The following LEKR1 variants were observed in gnomAD, a reference collection of about 807,000 sequenced individuals.
The protein encoded by LEKR1 is protein LEKR1.
Under a neutral mutation model 72.4 loss-of-function variants are expected in LEKR1, and 59 were observed. The ratio of observed to expected loss-of-function variants is 0.82; its 90% CI spans 0.66 to 1.01. LEKR1 has a LOEUF of 1.01. LEKR1 is among the 50% of genes least tolerant of loss of function. The pLI is 0.00. For missense variants in LEKR1, 728 were observed against 759.2 expected (o/e 0.96, Z 0.48); for synonymous variants, 257 against 263.2 (o/e 0.98, Z 0.23).
intron 9 of LEKR1, among the ~76,000 whole-genome samples, chr3:157,006,555 G>T (rs1371068260): frequency 6.6e-6 from 1 of 152,128 alleles, no homozygotes; most frequent in Non-Finnish European, 1.5e-5. Context: ...TTGTACACAG[G>T]TATTGAGAGC....
chr3:157,032,397 A>G (rs1734682237), intron 12 of LEKR1, among the ~76,000 whole-genome samples: 1 of 152,240 alleles, frequency 6.6e-6, no homozygotes, highest in Non-Finnish European at 1.5e-5. Context: ...TCTTGTAGTC[A>G]TACAATGAAG....
chr3:156,967,523 C>A (rs540202984), intron 6 of LEKR1, among the ~76,000 whole-genome samples: 1 of 152,022 alleles, frequency 6.6e-6, no homozygotes, highest in East Asian at 1.9e-4. Context: ...GAAAGGGTAT[C>A]AGTGATGGAA....
At chr3:156,988,702 C>A in intron 7 of LEKR1, 1 of 230,674 alleles carries the variant, frequency 4.3e-6, no homozygotes, top group South Asian at 1.0e-4. Flanking sequence ...TTGTTTGTCT[C>A]TGGCCTCCAT....
intron 2 of LEKR1, among the ~76,000 whole-genome samples, chr3:156,849,997 G>A (rs1003724294): frequency 1.8e-4 from 27 of 152,040 alleles, no homozygotes; most frequent in African/African-American, 6.5e-4. Context: ...GAAAATTTTT[G>A]CAACCTACTC....
chr3:156,835,668 C>T (rs958330009), intron 2 of LEKR1, among the ~76,000 whole-genome samples: 1 of 152,098 alleles, frequency 6.6e-6, no homozygotes, highest in African/African-American at 2.4e-5. Flanking sequence ...CCAAGTATCA[C>T]CCTGTAGTAA....
At chr3:156,903,689 G>C (rs1722250738) in intron 3 of LEKR1, among the ~76,000 whole-genome samples, 1 of 152,176 alleles carries the variant, frequency 6.6e-6, no homozygotes, top group South Asian at 2.1e-4. Flanking sequence ...TGCTTCTCTA[G>C]AGGGTCAACT....
intron 3 of LEKR1, among the ~76,000 whole-genome samples, chr3:156,876,609 T>C (rs1241517525): frequency 6.6e-6 from 1 of 152,226 alleles, no homozygotes; most frequent in Non-Finnish European, 1.5e-5. Context: ...AGTTCTTTAT[T>C]TGATTCTCAG....
chr3:156,893,746 A>T (rs947332569), intron 3 of LEKR1, among the ~76,000 whole-genome samples: 5 of 152,216 alleles, frequency 3.3e-5, no homozygotes, highest in Non-Finnish European at 7.3e-5. Context: ...GAACCAATTA[A>T]ACCTCTTTTC....
chr3:156,967,280 ATGACTT>A (rs201674120), intron 6 of LEKR1, among the ~76,000 whole-genome samples: 4,811 of 152,320 alleles, frequency 0.032, 114 homozygotes, highest in Non-Finnish European at 0.047. Context: ...TGGATGGAGA[ATGACTT>A]TGACAAGTTG....
At chr3:157,020,223 C>T (rs978027397) in intron 10 of LEKR1, among the ~76,000 whole-genome samples, 5 of 150,728 alleles carry the variant, frequency 3.3e-5, no homozygotes, top group African/African-American at 4.9e-5. Flanking sequence ...TATTTTATTT[C>T]AACTTCATCA....
At chr3:156,960,007 A>G (rs1727975022) in intron 6 of LEKR1, among the ~76,000 whole-genome samples, 1 of 152,178 alleles carries the variant, frequency 6.6e-6, no homozygotes, top group South Asian at 2.1e-4. Flanking sequence ...AAGAATCAGA[A>G]CATGATGACC....
chr3:156,946,558 A>T (rs934742546), intron 6 of LEKR1, among the ~76,000 whole-genome samples: 1 of 151,440 alleles, frequency 6.6e-6, no homozygotes, highest in Non-Finnish European at 1.5e-5. Flanking sequence ...CCTGCTCAGT[A>T]TGATACTAAA....
intron 3 of LEKR1, among the ~76,000 whole-genome samples, chr3:156,875,005 A>G (rs1195116366): frequency 6.6e-6 from 1 of 152,206 alleles, no homozygotes; most frequent in African/African-American, 2.4e-5. Context: ...ATGCATGCAC[A>G]AATGTCTTTT....
At chr3:156,880,823 C>G (rs933035753) in intron 3 of LEKR1, among the ~76,000 whole-genome samples, 47 of 152,194 alleles carry the variant, frequency 3.1e-4, no homozygotes, top group African/African-American at 1.1e-3. Flanking sequence ...GGCTTCATCC[C>G]TGGGATGCAA....
intron 3 of LEKR1, among the ~76,000 whole-genome samples, chr3:156,914,656 C>T (rs899402227): frequency 2.6e-5 from 4 of 152,128 alleles, no homozygotes; most frequent in African/African-American, 7.2e-5. Context: ...CATGCAAGGT[C>T]CATATGTCAT....
intron 3 of LEKR1, among the ~76,000 whole-genome samples, chr3:156,875,992 CAAAAAAAA>C (rs55816001): frequency 2.8e-5 from 2 of 70,180 alleles, no homozygotes; most frequent in African/African-American, 5.4e-5. Flanking sequence ...GACTCCATCT[CAAAAAAAA>C]AAAAAAAAAA....
intron 7 of LEKR1, chr3:156,988,614 TTCC>T: frequency 4.4e-6 from 1 of 226,184 alleles, no homozygotes; most frequent in African/African-American, 2.3e-5. Context: ...TCAAGATTCC[TTCC>T]TGGTAAAGGT....
intron 1 of LEKR1, among the ~76,000 whole-genome samples, chr3:156,828,826 GCT>G (rs1238506288): frequency 1.3e-5 from 2 of 152,068 alleles, no homozygotes; most frequent in East Asian, 1.9e-4. Flanking sequence ...ATCTCTAAAT[GCT>G]CTTTTTCTGT....
chr3:156,919,726 A>T (rs1724010819), intron 3 of LEKR1, among the ~76,000 whole-genome samples: 1 of 152,224 alleles, frequency 6.6e-6, no homozygotes, highest in Non-Finnish European at 1.5e-5. Context: ...TAAGCTAAAC[A>T]TCCCATTGCC....
Sources: allele counts gnomAD v4.1 joint callset (sites outside exome capture counted in the v4.1 genomes callset), GRCh38; gene constraint gnomAD v4.1.1; transcripts MANE v1.5; gene names NCBI Gene and HGNC (gene_info 2026-07-23, HGNC 2026-07-21).